Variants in EVA1C observed in about 807,000 individuals in gnomAD.
EVA1C encodes the protein protein eva-1 homolog C.
A neutral mutation model predicts 45.4 loss-of-function variants in EVA1C; 25 were observed. The observed-to-expected ratio is 0.55, with a 90% CI of 0.40 to 0.77. EVA1C has a LOEUF of 0.77. EVA1C is among the 30% of genes least tolerant of loss of function. The pLI is 0.00. For missense variants in EVA1C, 479 were observed against 554.8 expected (o/e 0.86, Z 1.37); for synonymous variants, 190 against 221.2 (o/e 0.86, Z 1.25).
chr21:32,432,416 A>G (rs1293120612), intron 1 of EVA1C, among the ~76,000 whole-genome samples: 1 of 152,116 alleles, frequency 6.6e-6, no homozygotes, highest in Non-Finnish European at 1.5e-5. Context: ...CAGAAGAAAG[A>G]AAGGAAGGCT....
chr21:32,515,019 T>C lies in EVA1C; in HGVS notation c.1155T>C (p.Asp385=), dbSNP rs753943307. 8 of 1,614,058 alleles carry C rather than the reference T, an allele frequency of 5.0e-6. No individual in the cohort carries two copies. Among genetic ancestry groups the C allele is most frequent in the African/African-American group, 1.3e-5 (1 of 74,930 alleles). Residue 385 remains aspartate, a synonymous_variant, in exon 8 of 8, where the codon GAT becomes GAC. Coordinates refer to ENST00000300255, the MANE Select transcript of EVA1C (RefSeq NM_058187.5). Reference sequence around the variant, plus strand: ...AGGAGGAGGACCCCTCTGAGTCTGATTTCCCAGGGGAACTGTCGGGGTTCT... The same window carrying C: ...AGGAGGAGGACCCCTCTGAGTCTGACTTCCCAGGGGAACTGTCGGGGTTCT... The part of the protein sequence containing the change: ...EEEEEDPSES[D]FPGELSGFCR...
At chr21:32,450,459 C>G (rs1301253436) in intron 1 of EVA1C, among the ~76,000 whole-genome samples, 1 of 151,184 alleles carries the variant, frequency 6.6e-6, no homozygotes, top group Non-Finnish European at 1.5e-5. Flanking sequence ...AAGGCAAACT[C>G]TGAAAATTGA....
intron 1 of EVA1C, among the ~76,000 whole-genome samples, chr21:32,441,128 A>G (rs1244210351): frequency 6.6e-6 from 1 of 152,174 alleles, no homozygotes; most frequent in Non-Finnish European, 1.5e-5. Flanking sequence ...TCATTTTCCT[A>G]TATGATGACA....
intron 5 of EVA1C, 39 bp from the exon 6 acceptor site, chr21:32,501,376 T>C (rs1233737234): frequency 2.6e-6 from 4 of 1,558,920 alleles, no homozygotes; most frequent in Non-Finnish European, 2.6e-6. Flanking sequence ...ATTTTAAAAA[T>C]ATACCACGAA....
At chr21:32,437,804 T>C (rs970766410) in intron 1 of EVA1C, among the ~76,000 whole-genome samples, 3 of 152,192 alleles carry the variant, frequency 2.0e-5, no homozygotes, top group Non-Finnish European at 4.4e-5. Context: ...TGACGTACAA[T>C]AAGCAATTGA....
intron 1 of EVA1C, among the ~76,000 whole-genome samples, chr21:32,424,356 T>C (rs2146126254): frequency 6.6e-6 from 1 of 152,238 alleles, no homozygotes; most frequent in Admixed American, 6.5e-5. Context: ...CAACAGGAGA[T>C]GACAGGTGGA....
chr21:32,452,520 TCTC>T lies in EVA1C; in HGVS notation c.161-789_161-787del, dbSNP rs1361113610. On this transcript the variant is annotated intron_variant, in intron 1 of 7. Transcript: ENST00000300255. The surrounding 1 kb of genome is among the most constrained non-coding windows in gnomAD (Gnocchi z 4.0). ...CCCCAGTGGGCATGTGTTACAGTGG[TCTC>T]CTTCAGTTTTGCCATCTGCAGGCGG... 1.3e-5 allele frequency: 2 copies of T among 152,222 alleles called. No homozygotes were observed. The highest frequency in any genetic ancestry group is 2.9e-5 in the Non-Finnish European group (2 of 68,042). The allele number at this position is 152,222 out of a possible 1,614,324, so 9.4% of individuals were successfully genotyped here. A position where few individuals can be genotyped will look rare whatever the true frequency, so the allele number is the denominator to read the frequency against.
chr21:32,490,308 A>G (rs946132913), intron 4 of EVA1C, among the ~76,000 whole-genome samples: 3 of 152,170 alleles, frequency 2.0e-5, no homozygotes, highest in Non-Finnish European at 2.9e-5. Flanking sequence ...GGTCCATCAT[A>G]TAAGTGGAAT....
chr21:32,489,925 CTGAG>C (rs2037099006), intron 4 of EVA1C, among the ~76,000 whole-genome samples: 3 of 152,296 alleles, frequency 2.0e-5, no homozygotes, highest in African/African-American at 7.2e-5. Flanking sequence ...CCTCAGCCTC[CTGAG>C]TAACTGGGAT....
At chr21:32,443,192 C>T (rs1263955628) in intron 1 of EVA1C, among the ~76,000 whole-genome samples, 1 of 152,088 alleles carries the variant, frequency 6.6e-6, no homozygotes, top group Non-Finnish European at 1.5e-5. Context: ...TTGATTAGAG[C>T]TGGATTGTTC....
intron 1 of EVA1C, among the ~76,000 whole-genome samples, chr21:32,440,340 T>C (rs1278166497): frequency 6.6e-6 from 1 of 152,126 alleles, no homozygotes; most frequent in East Asian, 1.9e-4. Flanking sequence ...AATTGTTCCG[T>C]TTAGTTGCTT....
chr21:32,469,821 G>A (rs1405719415), intron 4 of EVA1C, among the ~76,000 whole-genome samples: 1 of 152,168 alleles, frequency 6.6e-6, no homozygotes, highest in Non-Finnish European at 1.5e-5. Flanking sequence ...TTCATCTGAT[G>A]AGATGAGGCC....
intron 3 of EVA1C, among the ~76,000 whole-genome samples, chr21:32,458,480 C>A (rs2035869987): frequency 7.7e-6 from 1 of 130,668 alleles, no homozygotes; most frequent in Admixed American, 8.4e-5. Flanking sequence ...AGAAGTTAAG[C>A]ACTTTTTTTT....
chr21:32,451,544 A>T (rs2035580848), intron 1 of EVA1C, among the ~76,000 whole-genome samples: 1 of 152,176 alleles, frequency 6.6e-6, no homozygotes, highest in African/African-American at 2.4e-5. Flanking sequence ...TCTTATTCAC[A>T]GTCTGCTGCA....
At chr21:32,428,607 A>G (rs1161261833) in intron 1 of EVA1C, 1 of 152,152 alleles carries the variant, frequency 6.6e-6, no homozygotes, top group Non-Finnish European at 1.5e-5. Flanking sequence ...GCAACTTATT[A>G]CTGCCAGAGG....
At chr21:32,414,303 C>CT (rs202207204) in intron 1 of EVA1C, among the ~76,000 whole-genome samples, 77 of 149,618 alleles carry the variant, frequency 5.1e-4, no homozygotes, top group East Asian at 1.2e-3. Flanking sequence ...GGGCTATTAA[C>CT]TTTTTTTTTT....
intron 5 of EVA1C, chr21:32,497,014 C>T (rs2146415199): frequency 7.0e-7 from 1 of 1,423,670 alleles, no homozygotes; most frequent in Non-Finnish European, 9.9e-7. Flanking sequence ...AGACATGGAA[C>T]CAGAGATGGT....
At chr21:32,460,092 A>C (rs946472170) in intron 3 of EVA1C, among the ~76,000 whole-genome samples, 7 of 152,284 alleles carry the variant, frequency 4.6e-5, no homozygotes, top group Middle Eastern at 3.4e-3. Context: ...TGGTTTATTC[A>C]TATCATTTCA....
At chr21:32,488,117 A>C (rs1322242877) in intron 4 of EVA1C, among the ~76,000 whole-genome samples, 1 of 152,182 alleles carries the variant, frequency 6.6e-6, no homozygotes, top group African/African-American at 2.4e-5. Context: ...CTCAAACCTT[A>C]TATCTGATAA....
Sources: allele counts gnomAD v4.1 joint callset (sites outside exome capture counted in the v4.1 genomes callset), GRCh38; gene constraint gnomAD v4.1.1; non-coding constraint Gnocchi (gnomAD v3.1); transcripts MANE v1.5; gene names NCBI Gene and HGNC (gene_info 2026-07-23, HGNC 2026-07-21).